PEX7: variants seen among roughly 807,000 people sequenced by gnomAD.
PEX7 encodes PTS2 receptor.
PEX7 carries 34 observed loss-of-function variants against 47.5 expected under a neutral mutation model. That is an observed-to-expected ratio of 0.72 (90% CI 0.54 to 0.95). PEX7 has a LOEUF of 0.95. Among genes scored for constraint, PEX7 ranks in the 40% least tolerant of loss-of-function variants. The pLI, the probability that PEX7 is intolerant of heterozygous loss-of-function variation, is 0.00. For missense variants in PEX7, 394 were observed against 400.3 expected (o/e 0.98, Z 0.13); for synonymous variants, 141 against 148.8 (o/e 0.95, Z 0.38).
chr6:136,885,398 T>C (rs1775451829), intron 8 of PEX7, among the ~76,000 whole-genome samples: 1 of 152,144 alleles, frequency 6.6e-6, no homozygotes, highest in African/African-American at 2.4e-5. Flanking sequence ...ACATATGGAT[T>C]TGGGGGCAAG....
At chr6:136,824,728 C>T (rs980397104) in intron 1 of PEX7, among the ~76,000 whole-genome samples, 3 of 152,164 alleles carry the variant, frequency 2.0e-5, no homozygotes, top group Non-Finnish European at 2.9e-5. Context: ...GTAAATCCCA[C>T]CAAGTATCTC....
At chr6:136,837,076 CTG>C (rs1171910405) in intron 3 of PEX7, among the ~76,000 whole-genome samples, 4 of 151,952 alleles carry the variant, frequency 2.6e-5, no homozygotes, top group African/African-American at 9.7e-5. Context: ...TCATTAGAAA[CTG>C]AAAGTTTTAG....
intron 3 of PEX7, among the ~76,000 whole-genome samples, chr6:136,828,457 A>G (rs144608100): frequency 1.3e-5 from 2 of 152,130 alleles, no homozygotes; most frequent in East Asian, 3.8e-4. Flanking sequence ...TGTAATCCCA[A>G]CTCTACCTTC....
Position 136,913,889 on chromosome 6 carries a change from T to C in PEX7, c.*363T>C, listed in dbSNP as rs1775975064. 1 of 228,608 alleles carries C rather than the reference T, an allele frequency of 4.4e-6. No individual in the cohort carries two copies. Among genetic ancestry groups the C allele is most frequent in the Admixed American group, 5.2e-5 (1 of 19,124 alleles). 14.2% of individuals were successfully genotyped at this position (228,608 alleles called of 1,614,324 possible). On this transcript the variant is annotated 3_prime_UTR_variant, in exon 10 of 10. Transcript: ENST00000318471. ...TTGTCATTTTTGATGTAAAATATAA[T>C]CACTGCTGTGATAAATAAACTATCT...
intron 3 of PEX7, 137 bp downstream of exon 3, chr6:136,826,606 C>A: frequency 1.0e-6 from 1 of 999,226 alleles, no homozygotes; most frequent in Non-Finnish European, 1.5e-6. Context: ...TACTAGATGT[C>A]ACTTATTATT....
rs143585136 is a variant in PEX7, at chr6:136,849,168, G to A, written c.526+2987G>A. Among the ~76,000 whole-genome samples the A allele has an allele frequency of 7.0e-3, 1,067 of 152,252 alleles. 10 individuals carry two copies. The highest frequency in any genetic ancestry group is 0.025 in the African/African-American group (1,024 of 41,542). ...GTGTTTATAGTATTCTCTGATGGTA[G>A]TTTTTATTTCTGTGGGATTGGTGGT... On this transcript the variant is annotated intron_variant, in intron 5 of 9. Transcript: ENST00000318471.
In PEX7 at chr6:136,822,764, C is replaced by CT; in HGVS notation, c.100dup (p.Cys34LeufsTer22). ...CCCCGTACCTGCCGGGCCGCCTGGC[C>CT]TGCGCCACCGCGCAGCACTACGGCA... On this transcript the variant is annotated frameshift_variant, in exon 1 of 10. Transcript: ENST00000318471. LOFTEE classifies it high-confidence loss of function. 6.8e-7 allele frequency: 1 copy of CT among 1,471,700 alleles called. No individual in the cohort carries two copies. Among genetic ancestry groups the CT allele is most frequent in the Middle Eastern group, 2.4e-4 (1 of 4,178 alleles). 91.2% of individuals were successfully genotyped at this position (1,471,700 alleles called of 1,614,324 possible).
At chr6:136,876,610 T>C (rs560627232) in intron 8 of PEX7, among the ~76,000 whole-genome samples, 6 of 152,290 alleles carry the variant, frequency 3.9e-5, no homozygotes, top group Non-Finnish European at 8.8e-5. Context: ...TGTTCCTGTG[T>C]TAGTTTGCTG....
chr6:136,895,647 G>GT (rs1193992580), intron 8 of PEX7, among the ~76,000 whole-genome samples: 1 of 152,080 alleles, frequency 6.6e-6, no homozygotes, highest in Non-Finnish European at 1.5e-5. Context: ...GTTTTTAGTT[G>GT]TTTTTAAAAT....
chr6:136,870,584 A>T (rs1230234799), intron 7 of PEX7: 1 of 201,594 alleles, frequency 5.0e-6, no homozygotes, highest in African/African-American at 2.4e-5. Flanking sequence ...GACTGTGGAA[A>T]ACATCTTATT....
intron 8 of PEX7, among the ~76,000 whole-genome samples, chr6:136,876,268 A>C (rs927756948): frequency 5.3e-5 from 8 of 151,828 alleles, no homozygotes; most frequent in Non-Finnish European, 1.0e-4. Flanking sequence ...TGATCTCCTG[A>C]CCTCGTGATC....
chr6:136,840,494 C>T (rs1329241625), intron 3 of PEX7, among the ~76,000 whole-genome samples: 1 of 100,934 alleles, frequency 9.9e-6, no homozygotes, highest in Non-Finnish European at 2.1e-5. Flanking sequence ...TAATGTTGAG[C>T]GAAGATGCTA....
chr6:136,834,874 A>G (rs1774357912), intron 3 of PEX7, among the ~76,000 whole-genome samples: 1 of 152,166 alleles, frequency 6.6e-6, no homozygotes, highest in Non-Finnish European at 1.5e-5. Flanking sequence ...CAATTCAGGC[A>G]TTTGGAATTT....
chr6:136,831,212 G>A (rs1279632069), intron 3 of PEX7, among the ~76,000 whole-genome samples: 2 of 152,120 alleles, frequency 1.3e-5, no homozygotes, highest in Non-Finnish European at 2.9e-5. Flanking sequence ...ATGGCAGAAG[G>A]TGAAGGGGAA....
chr6:136,846,593 G>A (rs1044983749), intron 5 of PEX7, among the ~76,000 whole-genome samples: 11 of 152,054 alleles, frequency 7.2e-5, no homozygotes, highest in African/African-American at 2.7e-4. Context: ...AACATGCGGT[G>A]TTTGGTTTTC....
At position 136,884,357 on chromosome 6, in the gene PEX7, C is replaced by G. The variant is rs577127253; in HGVS notation, c.803+12104C>G. Among the ~76,000 whole-genome samples, 8 of 152,152 alleles carry G rather than the reference C, an allele frequency of 5.3e-5. No individual in the cohort carries two copies. In the East Asian group the frequency reaches 1.5e-3, roughly 29 times the overall value. On this transcript the variant is annotated intron_variant, in intron 8 of 9. Coordinates refer to ENST00000318471, the MANE Select transcript of PEX7 (RefSeq NM_000288.4). ...TTTTAGTGTCAGAAAACCATTTTAA[C>G]AAGAAGAAAAAGATTTCAGATATAA...
chr6:136,837,102 T>A (rs909974075), intron 3 of PEX7, among the ~76,000 whole-genome samples: 2 of 152,116 alleles, frequency 1.3e-5, no homozygotes, highest in Non-Finnish European at 2.9e-5. Context: ...CGCTTACGCC[T>A]GTAATCCCAG....
At chr6:136,882,691 C>T (rs1232455247) in intron 8 of PEX7, among the ~76,000 whole-genome samples, 2 of 152,120 alleles carry the variant, frequency 1.3e-5, no homozygotes, top group East Asian at 1.9e-4. Flanking sequence ...GTTGATCCCT[C>T]GTACTTGTTT....
chr6:136,846,751 C>T (rs1346109044), intron 5 of PEX7, among the ~76,000 whole-genome samples: 1 of 152,120 alleles, frequency 6.6e-6, no homozygotes, highest in Non-Finnish European at 1.5e-5. Context: ...CATTGTTGGA[C>T]ATTTGGGTTG....
Sources: gnomAD v4.1 joint callset for allele counts (sites outside exome capture counted in the v4.1 genomes callset) on GRCh38, gnomAD v4.1.1 for gene constraint, MANE v1.5 for transcripts, NCBI Gene and HGNC (gene_info 2026-07-23, HGNC 2026-07-21) for gene names.